ZNF654: variants seen among roughly 807,000 people sequenced by gnomAD.
The protein encoded by ZNF654 is melanoma-associated antigen.
In ZNF654, 19 loss-of-function variants were observed where a neutral mutation model predicts 95.3. The observed-to-expected ratio is 0.20, with a 90% CI of 0.14 to 0.29. The LOEUF is 0.29. ZNF654 is among the 10% of genes least tolerant of loss of function. The pLI is 1.00. For missense variants in ZNF654, 1,046 were observed against 1,341.0 expected (o/e 0.78, Z 3.44); for synonymous variants, 413 against 457.9 (o/e 0.90, Z 1.25).
intron 2 of ZNF654, among the ~76,000 whole-genome samples, chr3:88,100,728 C>T (rs1396665896): frequency 6.6e-6 from 1 of 151,922 alleles, no homozygotes; most frequent in African/African-American, 2.4e-5. Context: ...CAAACACCGC[C>T]ATGTTCTCAC....
chr3:88,112,290 T>TA (rs11391605), intron 2 of ZNF654, among the ~76,000 whole-genome samples: 118,425 of 151,432 alleles, frequency 0.78, 47,220 homozygotes, highest in South Asian at 0.91. Context: ...CAAAAACTAT[T>TA]AAAAAAACAA....
intron 1 of ZNF654, among the ~76,000 whole-genome samples, chr3:88,068,547 A>AG: frequency 6.6e-6 from 1 of 152,182 alleles, no homozygotes; most frequent in East Asian, 1.9e-4. Context: ...GGTTACTCTA[A>AG]AGTTGAAATA....
chr3:88,142,130 A>T lies in ZNF654; in HGVS notation c.*478A>T, dbSNP rs1378376314. ...AGATTATGTCCCCTCCCTTCTGGTT[A>T]AACATGGTTTAAGGAACCGCTGCTG... On this transcript the variant is annotated 3_prime_UTR_variant, in exon 9 of 9. Coordinates refer to ENST00000636215, the MANE Select transcript of ZNF654 (RefSeq NM_001350134.2). The T allele has an allele frequency of 6.5e-6, 1 of 152,674 alleles. No homozygotes were observed. Among genetic ancestry groups the T allele is most frequent in the African/African-American group, 2.4e-5 (1 of 41,420 alleles). The allele number at this position is 152,674 out of a possible 1,614,324, so 9.5% of individuals were successfully genotyped here. A position where few individuals can be genotyped will look rare whatever the true frequency, so the allele number is the denominator to read the frequency against.
At position 88,082,445 on chromosome 3, in the gene ZNF654, T is replaced by A. The variant is rs76097125; in HGVS notation, c.187-3812T>A. Among the ~76,000 whole-genome samples the A allele has an allele frequency of 3.0e-3, 461 of 152,260 alleles. 3 individuals are homozygous for A. The highest frequency in any genetic ancestry group is 0.011 in the African/African-American group (443 of 41,546). On this transcript the variant is annotated intron_variant, in intron 1 of 8. Coordinates refer to ENST00000636215, the MANE Select transcript of ZNF654 (RefSeq NM_001350134.2). ...TGGCCTGTGAATCAGTTTTTAAAAG[T>A]GGCTGGATTCGCTGTAAACAAATGA...
intron 2 of ZNF654, among the ~76,000 whole-genome samples, chr3:88,100,752 T>C (rs971172537): frequency 3.9e-5 from 6 of 151,976 alleles, no homozygotes; most frequent in Non-Finnish European, 7.4e-5. Context: ...TAGGTGGGAA[T>C]TGAACAATGA....
chr3:88,059,580 A>G (rs1706721863), intron 1 of ZNF654, 75 bp downstream of exon 1: 7 of 1,441,104 alleles, frequency 4.9e-6, no homozygotes, highest in Non-Finnish European at 6.3e-6. Context: ...CTTCTCGTCC[A>G]TGAATCTGGT....
chr3:88,097,155 A>G (rs1397062541), intron 2 of ZNF654, among the ~76,000 whole-genome samples: 1 of 152,154 alleles, frequency 6.6e-6, no homozygotes, highest in East Asian at 1.9e-4. Context: ...AATATGTACA[A>G]GGGTATTTGT....
Position 88,141,793 on chromosome 3 carries a change from AT to A in ZNF654, c.*145del. 1 of 555,476 alleles carries A rather than the reference AT, an allele frequency of 1.8e-6. No homozygotes were observed. Among genetic ancestry groups the A allele is most frequent in the Non-Finnish European group, 2.9e-6 (1 of 339,600 alleles). The allele number at this position is 555,476 out of a possible 1,614,324, so 34.4% of individuals were successfully genotyped here. A position where few individuals can be genotyped will look rare whatever the true frequency, so the allele number is the denominator to read the frequency against. ...ATTACTAAAGATAAAGACAAAGCAC[AT>A]TTTCTAGAATGAACTCACAGAGATG... On this transcript the variant is annotated 3_prime_UTR_variant, in exon 9 of 9. Coordinates refer to ENST00000636215, the MANE Select transcript of ZNF654 (RefSeq NM_001350134.2).
chr3:88,139,674 C>A lies in ZNF654; in HGVS notation c.2005C>A (p.Pro669Thr), dbSNP rs966806392. 11 of 1,605,244 alleles carry A rather than the reference C, an allele frequency of 6.9e-6. No individual in the cohort carries two copies. The highest frequency in any genetic ancestry group is 1.7e-5 in the Admixed American group (1 of 58,298). The change falls in exon 8 of 9, where the codon CCA (proline) becomes ACA (threonine). Residue 669 changes from proline (P) to threonine (T), a missense_variant. Physicochemically the swap from Pro to Thr is conservative, Grantham distance 38 (BLOSUM62 -1). Transcript: ENST00000636215. ...ATTCATTGAAATTCCCATAAGTGTA[C>A]CAGAAGATGTTATTGAAAATGTTAT... The part of the protein sequence containing the change: ...AEFIEIPISV[P>T]EDVIENVIEN...
intron 2 of ZNF654, among the ~76,000 whole-genome samples, chr3:88,104,762 A>T (rs1450389530): frequency 6.6e-6 from 1 of 152,244 alleles, no homozygotes; most frequent in African/African-American, 2.4e-5. Context: ...AGAAGGAGGA[A>T]GAAGAGGTCA....
intron 2 of ZNF654, among the ~76,000 whole-genome samples, chr3:88,098,266 C>G (rs913195031): frequency 6.6e-6 from 1 of 152,102 alleles, no homozygotes; most frequent in Non-Finnish European, 1.5e-5. Context: ...ATACACCCTC[C>G]AAAGACTAAA....
At chr3:88,084,323 A>G (rs1708230850) in intron 1 of ZNF654, among the ~76,000 whole-genome samples, 1 of 152,178 alleles carries the variant, frequency 6.6e-6, no homozygotes, top group South Asian at 2.1e-4. Flanking sequence ...AACAAGAAAA[A>G]TGTGAGGCTG....
chr3:88,092,576 C>T (rs1703808573), intron 2 of ZNF654, among the ~76,000 whole-genome samples: 1 of 152,056 alleles, frequency 6.6e-6, no homozygotes, highest in Non-Finnish European at 1.5e-5. Context: ...ATGTTTAAGG[C>T]ACCTGGATAT....
At chr3:88,096,268 T>C (rs1310311108) in intron 2 of ZNF654, among the ~76,000 whole-genome samples, 1 of 152,014 alleles carries the variant, frequency 6.6e-6, no homozygotes, top group South Asian at 2.1e-4. Context: ...TGTGGCAAGT[T>C]GCTGTTAGCT....
In ZNF654 at chr3:88,140,393, T is replaced by G. The variant is rs775289436; in HGVS notation, c.2724T>G (p.Ile908Met). 4.3e-6 allele frequency: 7 copies of G among 1,613,062 alleles called. No individual in the cohort carries two copies. Among genetic ancestry groups the G allele is most frequent in the Middle Eastern group, 3.3e-4 (2 of 6,080 alleles). The change falls in exon 8 of 9, where the codon ATT becomes ATG. Residue 908 changes from isoleucine (I) to methionine (M), a missense_variant. Physicochemically the swap from Ile to Met is conservative, Grantham distance 10. Around this residue, in one of 9 missense-constraint regions of ZNF654, gnomAD observed 495 missense variants for 537.0 expected, o/e 0.92. Transcript: ENST00000636215. ...KDSSSNEKQT[I>M]SLPVSTSKSR... ...CATCTAGTAATGAGAAACAAACTATTAGTCTGCCAGTTTCTACTAGCAAAT... is the reference window on the plus strand; with the variant it reads ...CATCTAGTAATGAGAAACAAACTATGAGTCTGCCAGTTTCTACTAGCAAAT...
At position 88,083,941 on chromosome 3, in the gene ZNF654, T is replaced by TTATA. The variant is rs78670676; in HGVS notation, c.187-2293_187-2290dup. Among the ~76,000 whole-genome samples, 179 of 147,800 alleles carry TTATA rather than the reference T, an allele frequency of 1.2e-3. 4 individuals carry two copies. The highest frequency in any genetic ancestry group is 8.2e-3 in the East Asian group (42 of 5,108). ...AATAGGACAATGTAATGTACTTATT[T>TTATA]TATATATATATATATATATATATAT... On this transcript the variant is annotated intron_variant, in intron 1 of 8. Transcript: ENST00000636215.
At chr3:88,081,897 A>T (rs1367856211) in intron 1 of ZNF654, among the ~76,000 whole-genome samples, 1 of 152,218 alleles carries the variant, frequency 6.6e-6, no homozygotes, top group East Asian at 1.9e-4. Flanking sequence ...GCTAGGAAAT[A>T]CTTTTATATA....
intron 1 of ZNF654, among the ~76,000 whole-genome samples, chr3:88,063,284 C>CT (rs1216256152): frequency 2.0e-5 from 3 of 152,174 alleles, no homozygotes; most frequent in African/African-American, 7.2e-5. Flanking sequence ...CTTTGGGACT[C>CT]TTAGTGGGTA....
intron 3 of ZNF654, among the ~76,000 whole-genome samples, chr3:88,117,793 A>G (rs547633623): frequency 6.6e-6 from 1 of 152,262 alleles, no homozygotes; most frequent in African/African-American, 2.4e-5. Flanking sequence ...TTGGGCATCT[A>G]TGCGGAAATA....
Sources: allele counts gnomAD v4.1 joint callset (sites outside exome capture counted in the v4.1 genomes callset), GRCh38; gene constraint gnomAD v4.1.1; regional missense constraint gnomAD v4.1.1; transcripts MANE v1.5; gene names NCBI Gene and HGNC (gene_info 2026-07-23, HGNC 2026-07-21).